FAT3: variants seen among roughly 807,000 people sequenced by gnomAD.
FAT3 encodes FAT atypical cadherin 3.
A neutral mutation model predicts 310.2 loss-of-function variants in FAT3; 95 were observed. That is an observed-to-expected ratio of 0.31 (90% CI 0.26 to 0.36). The LOEUF (loss-of-function observed/expected upper bound fraction) is 0.36. FAT3 is among the 10% of genes least tolerant of loss of function. The pLI, the probability that FAT3 is intolerant of heterozygous loss-of-function variation, is 1.00. For missense variants in FAT3, 5,408 were observed against 5,715.6 expected (o/e 0.95, Z 1.74); for synonymous variants, 2,314 against 2,192.9 (o/e 1.06, Z -1.54).
intron 2 of FAT3, among the ~76,000 whole-genome samples, chr11:92,385,074 A>G (rs796605776): frequency 6.6e-6 from 1 of 152,190 alleles, no homozygotes; most frequent in Non-Finnish European, 1.5e-5. Flanking sequence ...TCCCTATGCT[A>G]AAGGCAGAGA....
intron 2 of FAT3, among the ~76,000 whole-genome samples, chr11:92,398,480 A>G (rs1225121003): frequency 6.7e-6 from 1 of 149,966 alleles, no homozygotes; most frequent in Non-Finnish European, 1.5e-5. Flanking sequence ...CAGCCTGGGA[A>G]AAAGAGTGTA....
chr11:92,756,514 T>C (rs1319445433), intron 4 of FAT3, among the ~76,000 whole-genome samples: 1 of 152,176 alleles, frequency 6.6e-6, no homozygotes, highest in Non-Finnish European at 1.5e-5. Context: ...AAATAATCAT[T>C]TGTGGTGAAT....
chr11:92,499,725 G>GTT (rs1555067141), intron 2 of FAT3, among the ~76,000 whole-genome samples: 2 of 95,120 alleles, frequency 2.1e-5, no homozygotes, highest in East Asian at 1.0e-3. Flanking sequence ...GTGTGTGTAT[G>GTT]TGTGTGTGTG....
At chr11:92,805,409 C>G in intron 11 of FAT3, 60 bp downstream of exon 11, 6 of 1,511,240 alleles carry the variant, frequency 4.0e-6, no homozygotes, top group Non-Finnish European at 5.3e-6. Flanking sequence ...AATAAAAACC[C>G]ATTTCACTTT....
At chr11:92,779,516 C>T (rs896326312) in intron 7 of FAT3, among the ~76,000 whole-genome samples, 1 of 151,866 alleles carries the variant, frequency 6.6e-6, no homozygotes, top group African/African-American at 2.4e-5. Context: ...CAGACTGAAA[C>T]ACATGAAATA....
Position 92,354,784 on chromosome 11 carries a change from A to G in FAT3, c.2672A>G (p.Gln891Arg). 6.2e-7 allele frequency: 1 copy of G among 1,613,954 alleles called. No individual in the cohort carries two copies. The highest frequency in any genetic ancestry group is 8.5e-7 in the Non-Finnish European group (1 of 1,179,872). ...SSTGIVYVAD[Q>R]LDRESKANYS... ...ACTGGAATCGTTTATGTAGCCGACC[A>G]GTTGGACCGGGAATCCAAAGCCAAT... Residue 891 changes from glutamine to arginine, a missense_variant, in exon 2 of 28, where the codon CAG (glutamine) becomes CGG (arginine). By Grantham distance (43) the Gln-to-Arg change is conservative. This residue lies in a region of FAT3 where 4,588 missense variants were observed against 4,809.8 expected (regional missense o/e 0.95). Transcript: ENST00000525166.
intron 3 of FAT3, among the ~76,000 whole-genome samples, chr11:92,671,249 T>C (rs1359151582): frequency 6.6e-6 from 1 of 152,054 alleles, no homozygotes; most frequent in Non-Finnish European, 1.5e-5. Flanking sequence ...TTCGTCATGT[T>C]GGTCAGGCTG....
intron 3 of FAT3, among the ~76,000 whole-genome samples, chr11:92,583,102 T>A (rs1446552795): frequency 6.6e-6 from 1 of 151,868 alleles, no homozygotes. Flanking sequence ...AAAAAACTAC[T>A]CATTTCTTAC....
In FAT3 at chr11:92,478,908, G is replaced by A. The variant is rs188769239; in HGVS notation, c.3293-45726G>A. On this transcript the variant is annotated intron_variant, in intron 2 of 27. Coordinates refer to ENST00000525166, the MANE Select transcript of FAT3 (RefSeq NM_001367949.2). ...AGGGACTACAGGCATGAGCTACTGC[G>A]CCTGGCTGGCTTTCTTTCTTTCCTT... Among the ~76,000 whole-genome samples the A allele has an allele frequency of 2.9e-3, 399 of 136,052 alleles. 3 individuals carry two copies. The highest frequency in any genetic ancestry group is 3.9e-3 in the Non-Finnish European group (246 of 62,584). 89.3% of individuals were successfully genotyped at this position (136,052 alleles called of 152,430 possible).
At chr11:92,655,361 T>C (rs1001270667) in intron 3 of FAT3, among the ~76,000 whole-genome samples, 1 of 152,210 alleles carries the variant, frequency 6.6e-6, no homozygotes, top group African/African-American at 2.4e-5. Context: ...ACAATAAATA[T>C]TGAATGAATT....
intron 4 of FAT3, among the ~76,000 whole-genome samples, chr11:92,708,045 A>T (rs984802576): frequency 6.6e-6 from 1 of 152,128 alleles, no homozygotes; most frequent in African/African-American, 2.4e-5. Flanking sequence ...GGAGCTACCA[A>T]CCTCATCTAT....
rs746895627 is a variant in FAT3, at chr11:92,883,342, C to A, written c.12886C>A (p.Arg4296Ser). The part of the protein sequence containing the change: ...APNLPAVSPC[R>S]SDCDSIRKNG... ...CAACCTCCCCGCCGTGTCACCCTGCCGCTCCGACTGCGACTCCATCCGGAA... is the reference window on the plus strand; with the variant it reads ...CAACCTCCCCGCCGTGTCACCCTGCAGCTCCGACTGCGACTCCATCCGGAA... Residue 4296 changes from arginine (R) to serine (S), a missense_variant, in exon 24 of 28, where the codon CGC (arginine) becomes AGC (serine). By Grantham distance (110) the Arg-to-Ser change is moderately radical. Around this residue, in one of 5 missense-constraint regions of FAT3, gnomAD observed 649 missense variants for 666.2 expected, o/e 0.97. Coordinates refer to ENST00000525166, the MANE Select transcript of FAT3 (RefSeq NM_001367949.2). The surrounding 1 kb of genome is among the most constrained non-coding windows in gnomAD (Gnocchi z 4.2). The A allele has an allele frequency of 4.3e-6, 7 of 1,610,006 alleles. No homozygotes were observed. Among genetic ancestry groups the A allele is most frequent in the Non-Finnish European group, 5.9e-6 (7 of 1,178,296 alleles).
intron 1 of FAT3, among the ~76,000 whole-genome samples, chr11:92,301,980 A>AG (rs1947009595): frequency 6.6e-6 from 1 of 152,074 alleles, no homozygotes; most frequent in Non-Finnish European, 1.5e-5. Context: ...AGGGCAAGGA[A>AG]GGGGTTAACT....
At chr11:92,262,958 G>T (rs1009889719) in intron 1 of FAT3, among the ~76,000 whole-genome samples, 1 of 151,854 alleles carries the variant, frequency 6.6e-6, no homozygotes, top group African/African-American at 2.4e-5. Context: ...CTTTAGCCCC[G>T]GTTCCCTCAT....
chr11:92,255,178 CCCTTCAGA>C (rs1337030821), intron 1 of FAT3, among the ~76,000 whole-genome samples: 2 of 152,106 alleles, frequency 1.3e-5, no homozygotes, highest in African/African-American at 4.8e-5. Context: ...TGTACCCTGA[CCCTTCAGA>C]CCCAAGTGGC....
intron 1 of FAT3, among the ~76,000 whole-genome samples, chr11:92,266,318 T>G (rs1424905953): frequency 6.6e-6 from 1 of 152,154 alleles, no homozygotes; most frequent in Non-Finnish European, 1.5e-5. Flanking sequence ...ACAATGTATT[T>G]TCTCTTTAGT....
intron 3 of FAT3, among the ~76,000 whole-genome samples, chr11:92,598,228 A>T (rs865888372): frequency 0.015 from 1,917 of 129,030 alleles, 47 homozygotes; most frequent in African/African-American, 0.057. Flanking sequence ...ATATATATAT[A>T]TATTTTTTTT....
intron 4 of FAT3, among the ~76,000 whole-genome samples, chr11:92,761,563 C>G (rs189532956): frequency 2.4e-4 from 36 of 152,204 alleles, no homozygotes; most frequent in Non-Finnish European, 4.7e-4. Flanking sequence ...AGATTGGGAT[C>G]TCTAGTGTTT....
chr11:92,357,720 T>C (rs564763344), intron 2 of FAT3, among the ~76,000 whole-genome samples: 1 of 152,198 alleles, frequency 6.6e-6, no homozygotes, highest in East Asian at 1.9e-4. Context: ...TGCATTTTGG[T>C]TTACCTGATA....
Sources: allele counts gnomAD v4.1 joint callset (sites outside exome capture counted in the v4.1 genomes callset), GRCh38; gene constraint gnomAD v4.1.1; regional missense constraint gnomAD v4.1.1; non-coding constraint Gnocchi (gnomAD v3.1); transcripts MANE v1.5; gene names NCBI Gene and HGNC (gene_info 2026-07-23, HGNC 2026-07-21).